The following PPM1H variants were observed in gnomAD, a reference collection of about 807,000 sequenced individuals.
PPM1H encodes protein phosphatase 1H.
In PPM1H, 27 loss-of-function variants were observed where a neutral mutation model predicts 54.9. The ratio of observed to expected loss-of-function variants is 0.49; its 90% CI spans 0.36 to 0.68. The LOEUF (loss-of-function observed/expected upper bound fraction) is 0.68. Among genes scored for constraint, PPM1H ranks in the 30% least tolerant of loss-of-function variants. PPM1H has a pLI of 0.00. For missense variants in PPM1H, 596 were observed against 667.8 expected (o/e 0.89, Z 1.19); for synonymous variants, 305 against 270.8 (o/e 1.13, Z -1.24).
intron 1 of PPM1H, among the ~76,000 whole-genome samples, chr12:62,878,382 T>A (rs1045058746): frequency 1.3e-5 from 2 of 151,756 alleles, no homozygotes; most frequent in African/African-American, 2.4e-5. Context: ...GAGAAGAAAA[T>A]CTCAGGAGGA....
intron 9 of PPM1H, among the ~76,000 whole-genome samples, chr12:62,660,607 T>C (rs935019878): frequency 1.3e-5 from 2 of 152,108 alleles, no homozygotes; most frequent in Non-Finnish European, 2.9e-5. Flanking sequence ...GTCTCTTCAA[T>C]AAATGGTGCT....
At chr12:62,769,428 G>A (rs1409755311) in intron 4 of PPM1H, among the ~76,000 whole-genome samples, 3 of 152,256 alleles carry the variant, frequency 2.0e-5, no homozygotes, top group African/African-American at 7.2e-5. Flanking sequence ...AAAGGGCACA[G>A]TTGCCCAATC....
intron 8 of PPM1H, among the ~76,000 whole-genome samples, chr12:62,676,619 G>GT: frequency 6.6e-6 from 1 of 152,254 alleles, no homozygotes; most frequent in South Asian, 2.1e-4. Flanking sequence ...GCTGAGCCTG[G>GT]TCACTGTCGT....
intron 2 of PPM1H, among the ~76,000 whole-genome samples, chr12:62,830,159 C>T (rs1199213811): frequency 6.6e-6 from 1 of 152,234 alleles, no homozygotes; most frequent in Non-Finnish European, 1.5e-5. Context: ...ACATGCTCAA[C>T]ATTTTCCACG....
At chr12:62,715,203 C>A (rs968950281) in intron 6 of PPM1H, among the ~76,000 whole-genome samples, 7 of 152,192 alleles carry the variant, frequency 4.6e-5, no homozygotes, top group Non-Finnish European at 2.9e-5. Flanking sequence ...GCTCTCAAGG[C>A]AACACAATGC....
chr12:62,752,109 G>C (rs777651937), intron 4 of PPM1H, among the ~76,000 whole-genome samples: 14 of 152,208 alleles, frequency 9.2e-5, no homozygotes, highest in Non-Finnish European at 2.1e-4. Context: ...TCAATTTCAA[G>C]CTATGAATTA....
chr12:62,912,545 C>T (rs1871492490), intron 1 of PPM1H, among the ~76,000 whole-genome samples: 1 of 152,138 alleles, frequency 6.6e-6, no homozygotes, highest in African/African-American at 2.4e-5. Flanking sequence ...ATGGCCATCA[C>T]ACGAGATTTG....
chr12:62,927,662 C>CAA (rs57622502), intron 1 of PPM1H, among the ~76,000 whole-genome samples: 3 of 75,932 alleles, frequency 4.0e-5, no homozygotes, highest in African/African-American at 9.6e-5. Flanking sequence ...AACTCCGTCT[C>CAA]AAAAAAAAAA....
At chr12:62,692,947 A>ACACACACACT (rs1483711518) in intron 7 of PPM1H, among the ~76,000 whole-genome samples, 1 of 151,610 alleles carries the variant, frequency 6.6e-6, no homozygotes, top group African/African-American at 2.4e-5. Context: ...ACACACACAC[A>ACACACACACT]CACACACACA....
intron 8 of PPM1H, 116 bp downstream of exon 8, chr12:62,689,583 T>G: frequency 1.5e-6 from 1 of 688,460 alleles, no homozygotes; most frequent in Non-Finnish European, 2.5e-6. Context: ...AGAGATACAG[T>G]GGAAGTACAT....
intron 6 of PPM1H, among the ~76,000 whole-genome samples, chr12:62,702,581 A>AGAGAGAGAGAGAGAGAGAGAGAGAGAGAG (rs1555190172): frequency 1.3e-5 from 2 of 151,816 alleles, no homozygotes; most frequent in Non-Finnish European, 2.9e-5. Flanking sequence ...AGAGAGAGAG[A>AGAGAGAGAGAGAGAGAGAGAGAGAGAGAG]AATACCACTT....
At chr12:62,860,294 G>A (rs548029309) in intron 1 of PPM1H, among the ~76,000 whole-genome samples, 7 of 152,172 alleles carry the variant, frequency 4.6e-5, no homozygotes, top group Non-Finnish European at 1.0e-4. Flanking sequence ...TTACCCTACC[G>A]GGTCCCTCTC....
At position 62,830,893 on chromosome 12, in the gene PPM1H, G is replaced by A. The variant is rs910864011; in HGVS notation, c.411+1221C>T. Among the ~76,000 whole-genome samples, 21 of 151,910 alleles carry A rather than the reference G, an allele frequency of 1.4e-4. No homozygotes were observed. In the East Asian group the frequency reaches 3.1e-3, roughly 23 times the overall value. On this transcript the variant is annotated intron_variant, in intron 2 of 9. Coordinates refer to ENST00000228705, the MANE Select transcript of PPM1H (RefSeq NM_020700.2). ...TTTTTGAGATGGAGTCTGCACTGTC[G>A]CCCAGGCTGGAGTGCAGTGGCGTGA...
At chr12:62,798,324 G>A (rs670073) in intron 3 of PPM1H, among the ~76,000 whole-genome samples, 31,545 of 152,176 alleles carry the variant, frequency 0.21, 4,295 homozygotes, top group African/African-American at 0.39. Flanking sequence ...TTTGCGTGAG[G>A]TAAGGTGAAC....
chr12:62,692,135 C>T (rs7963664), intron 7 of PPM1H, among the ~76,000 whole-genome samples: 18,246 of 152,018 alleles, frequency 0.12, 1,223 homozygotes, highest in South Asian at 0.18. Flanking sequence ...CGTAGGGGTA[C>T]GCGGAGAAGA....
At position 62,807,125 on chromosome 12, in the gene PPM1H, C is replaced by T. The variant is rs1386559585; in HGVS notation, c.412-4965G>A. Among the ~76,000 whole-genome samples, 3 of 152,212 alleles carry T rather than the reference C, an allele frequency of 2.0e-5. No individual in the cohort carries two copies. In the East Asian group the frequency reaches 5.8e-4, roughly 29 times the overall value. ...CATAGACTCAACCATGGCCATGTGG[C>T]TGAGTGGGAGAGTGAGGAGCAAGAT... On this transcript the variant is annotated intron_variant, in intron 2 of 9. Coordinates refer to ENST00000228705, the MANE Select transcript of PPM1H (RefSeq NM_020700.2).
chr12:62,893,782 C>T (rs773227680), intron 1 of PPM1H, among the ~76,000 whole-genome samples: 2 of 152,112 alleles, frequency 1.3e-5, no homozygotes, highest in Non-Finnish European at 2.9e-5. Flanking sequence ...CCACCACACC[C>T]CGCGTTCATT....
intron 1 of PPM1H, among the ~76,000 whole-genome samples, chr12:62,853,364 T>C (rs1483879895): frequency 6.6e-6 from 1 of 152,164 alleles, no homozygotes; most frequent in Non-Finnish European, 1.5e-5. Flanking sequence ...AAATGTTTAA[T>C]AAAAGGTTGA....
chr12:62,781,203 A>G (rs546003764), intron 4 of PPM1H, among the ~76,000 whole-genome samples: 6 of 152,344 alleles, frequency 3.9e-5, no homozygotes, highest in Admixed American at 3.9e-4. Context: ...GGAGGCTGAC[A>G]TGTGGAGCTG....
Sources: allele counts gnomAD v4.1 joint callset (sites outside exome capture counted in the v4.1 genomes callset), GRCh38; gene constraint gnomAD v4.1.1; transcripts MANE v1.5; gene names NCBI Gene and HGNC (gene_info 2026-07-23, HGNC 2026-07-21).